The following CGNL1 variants were observed in gnomAD, a reference collection of about 807,000 sequenced individuals.
CGNL1 encodes cingulin like 1.
In CGNL1, 132 loss-of-function variants were observed where a neutral mutation model predicts 141.2. The ratio of observed to expected loss-of-function variants is 0.93; its 90% CI spans 0.81 to 1.08. The LOEUF is 1.08. CGNL1 is among the 50% of genes least tolerant of loss of function. CGNL1 has a pLI of 0.00. For missense variants in CGNL1, 1,870 were observed against 1,588.6 expected (o/e 1.18, Z -3.01); for synonymous variants, 690 against 622.1 (o/e 1.11, Z -1.63).
At chr15:57,538,585 CAGGGAA>C (rs1420509778) in intron 14 of CGNL1, among the ~76,000 whole-genome samples, 9 of 152,192 alleles carry the variant, frequency 5.9e-5, no homozygotes, top group Non-Finnish European at 1.3e-4. Flanking sequence ...CTGCTCTGCA[CAGGGAA>C]GTCTGTTTCC....
chr15:57,539,462 A>G (rs1305492787), intron 14 of CGNL1, among the ~76,000 whole-genome samples: 1 of 151,912 alleles, frequency 6.6e-6, no homozygotes, highest in Admixed American at 6.6e-5. Context: ...GTGGCTTCTC[A>G]TTGACACCTA....
chr15:57,496,158 A>G (rs1184493091), intron 8 of CGNL1, among the ~76,000 whole-genome samples: 1 of 152,204 alleles, frequency 6.6e-6, no homozygotes, highest in Non-Finnish European at 1.5e-5. Flanking sequence ...AAATACATTA[A>G]AAACAAAACA....
intron 14 of CGNL1, among the ~76,000 whole-genome samples, chr15:57,542,250 C>T (rs1226139796): frequency 6.6e-6 from 1 of 152,218 alleles, no homozygotes; most frequent in Admixed American, 6.5e-5. Context: ...GTCAGATGCT[C>T]TCCAGGCCCT....
chr15:57,500,211 G>C (rs1456005881), intron 8 of CGNL1, among the ~76,000 whole-genome samples: 1 of 152,174 alleles, frequency 6.6e-6, no homozygotes, highest in Non-Finnish European at 1.5e-5. Flanking sequence ...CTGAAAACAA[G>C]AGAGGCTCTT....
At chr15:57,476,658 T>C (rs2063661177) in intron 8 of CGNL1, among the ~76,000 whole-genome samples, 1 of 152,138 alleles carries the variant, frequency 6.6e-6, no homozygotes. Context: ...ACGTTAGAAT[T>C]CTGGAAATGT....
At chr15:57,440,995 C>G (rs1178639721) in intron 3 of CGNL1, among the ~76,000 whole-genome samples, 1 of 150,416 alleles carries the variant, frequency 6.6e-6, no homozygotes, top group African/African-American at 2.5e-5. Context: ...TACTTAGATA[C>G]TAACTGTGCT....
chr15:57,520,319 C>T (rs1479042420), intron 10 of CGNL1, among the ~76,000 whole-genome samples: 1 of 152,224 alleles, frequency 6.6e-6, no homozygotes, highest in African/African-American at 2.4e-5. Context: ...CACCTCTCGT[C>T]CTTGAAGCTG....
At chr15:57,405,828 T>TTCCTTCTTTCTTTCTTTC (rs1555431030) in intron 1 of CGNL1, 1 of 92,828 alleles carries the variant, frequency 1.1e-5, no homozygotes, top group African/African-American at 4.3e-5. Context: ...CTTTCTTTCT[T>TTCCTTCTTTCTTTCTTTC]TTTCTTTCTT....
intron 14 of CGNL1, among the ~76,000 whole-genome samples, chr15:57,541,099 T>TA (rs2032540608): frequency 6.6e-6 from 1 of 152,246 alleles, no homozygotes; most frequent in Non-Finnish European, 1.5e-5. Flanking sequence ...CGGGGGCCCT[T>TA]ACAGCGTGTC....
rs1408691075 is a variant in CGNL1 at position 57,524,563 on chromosome 15, C to T, written c.2869-18C>T. 1 of 1,607,128 alleles carries T rather than the reference C, an allele frequency of 6.2e-7. No homozygotes were observed. The highest frequency in any genetic ancestry group is 2.2e-5 in the East Asian group (1 of 44,792). ...AGAGCATCCCAGGGTGGGCTCACAC[C>T]CGTGTCACTTCTTCTAGATGGCAGA... On this transcript the variant is annotated intron_variant, in intron 11 of 18. Coordinates refer to ENST00000281282, the MANE Select transcript of CGNL1 (RefSeq NM_032866.5).
intron 12 of CGNL1, chr15:57,527,069 T>C (rs2031660047): frequency 1.3e-5 from 2 of 152,210 alleles, no homozygotes; most frequent in Non-Finnish European, 2.9e-5. Flanking sequence ...TTTTTGTTTT[T>C]TTAACGCTCT....
At chr15:57,524,485 A>G in intron 11 of CGNL1, 96 bp from the exon 12 acceptor site, 1 of 1,149,640 alleles carries the variant, frequency 8.7e-7, no homozygotes, top group East Asian at 2.4e-5. Flanking sequence ...CATAGAAGAA[A>G]GGGAGAAGAG....
chr15:57,429,846 A>G (rs572415107), intron 1 of CGNL1, among the ~76,000 whole-genome samples: 23 of 152,260 alleles, frequency 1.5e-4, no homozygotes, highest in African/African-American at 5.5e-4. Flanking sequence ...CTCTCAGTCT[A>G]TCACCCAGGC....
At chr15:57,376,830 G>A (rs1359683272) in intron 1 of CGNL1, 1 of 152,276 alleles carries the variant, frequency 6.6e-6, no homozygotes, top group Non-Finnish European at 1.5e-5. Context: ...GCTTCGGGGC[G>A]GGGTGGGAGG....
intron 9 of CGNL1, 129 bp from the exon 10 acceptor site, chr15:57,518,264 G>A: frequency 3.0e-6 from 2 of 672,462 alleles, no homozygotes; most frequent in Non-Finnish European, 5.2e-6. Context: ...TTGGGTCTGT[G>A]ACAGGTGCAT....
At chr15:57,521,490 A>C (rs967629340) in intron 10 of CGNL1, among the ~76,000 whole-genome samples, 37 of 152,330 alleles carry the variant, frequency 2.4e-4, no homozygotes, top group Admixed American at 1.1e-3. Flanking sequence ...TGTTTATCAT[A>C]TGCCTAATAG....
rs1205247917 is a variant in CGNL1 at position 57,546,104 on chromosome 15, G to A, written c.3638G>A (p.Arg1213Gln). Residue 1213 changes from arginine (R) to glutamine (Q), a missense_variant, in exon 18 of 19, where the codon CGG (arginine) becomes CAG (glutamine). Transcript: ENST00000281282. ...QLSLRLKAMKRQVEEAEEEID... is the reference protein window; with the variant it reads ...QLSLRLKAMKQQVEEAEEEID... ...AGCTTGCGTTTGAAAGCCATGAAGC[G>A]GCAGGTGGAGGAGGCTGAGGAGGAA... The A allele has an allele frequency of 2.5e-5, 41 of 1,613,824 alleles. No homozygotes were observed. The highest frequency in any genetic ancestry group is 3.3e-5 in the Non-Finnish European group (39 of 1,179,926).
chr15:57,513,094 C>T (rs1380280444), intron 8 of CGNL1, among the ~76,000 whole-genome samples: 3 of 152,080 alleles, frequency 2.0e-5, no homozygotes, highest in African/African-American at 7.2e-5. Context: ...GAACATTTTC[C>T]TAACCCCTAA....
chr15:57,482,116 G>GTT (rs138456825), intron 8 of CGNL1, among the ~76,000 whole-genome samples: 4 of 148,062 alleles, frequency 2.7e-5, no homozygotes, highest in Admixed American at 6.7e-5. Flanking sequence ...TTTGGGGTTT[G>GTT]TTTTTTTTTT....
Sources: gnomAD v4.1 joint callset for allele counts (sites outside exome capture counted in the v4.1 genomes callset) on GRCh38, gnomAD v4.1.1 for gene constraint, MANE v1.5 for transcripts, NCBI Gene and HGNC (gene_info 2026-07-23, HGNC 2026-07-21) for gene names.